DLG2: variants seen among roughly 807,000 people sequenced by gnomAD.
DLG2 encodes the protein discs large MAGUK scaffold protein 2.
In DLG2, 45 loss-of-function variants were observed where a neutral mutation model predicts 132.5. The ratio of observed to expected loss-of-function variants is 0.34; its 90% CI spans 0.27 to 0.44. The LOEUF is 0.44. DLG2 is among the 20% of genes least tolerant of loss of function. DLG2 has a pLI of 1.00. For missense variants in DLG2, 1,045 were observed against 1,196.9 expected (o/e 0.87, Z 1.87); for synonymous variants, 424 against 419.6 (o/e 1.01, Z -0.13).
intron 10 of DLG2, among the ~76,000 whole-genome samples, chr11:84,081,956 C>T (rs1345856265): frequency 6.6e-6 from 1 of 152,132 alleles, no homozygotes; most frequent in East Asian, 1.9e-4. Context: ...AAAAGCTTTC[C>T]TATTTCTCCA....
intron 6 of DLG2, among the ~76,000 whole-genome samples, chr11:84,955,976 G>A (rs2051605946): frequency 6.6e-6 from 1 of 152,156 alleles, no homozygotes; most frequent in Non-Finnish European, 1.5e-5. Context: ...CACAATATTA[G>A]AAGGCTTAGC....
At chr11:85,467,063 T>C (rs1388206802) in intron 3 of DLG2, among the ~76,000 whole-genome samples, 1 of 152,212 alleles carries the variant, frequency 6.6e-6, no homozygotes. Context: ...TTTTATTCTC[T>C]TTGAAGCAAC....
chr11:85,415,935 A>G (rs531310503), intron 3 of DLG2, among the ~76,000 whole-genome samples: 46 of 152,270 alleles, frequency 3.0e-4, no homozygotes, highest in African/African-American at 1.1e-3. Context: ...TTAGTCATGA[A>G]GTCTTGGCCC....
At chr11:83,943,511 C>G (rs1037630150) in intron 14 of DLG2, among the ~76,000 whole-genome samples, 5 of 152,178 alleles carry the variant, frequency 3.3e-5, no homozygotes, top group African/African-American at 1.2e-4. Context: ...TTATAAATAA[C>G]TGGTTATGAC....
intron 4 of DLG2, among the ~76,000 whole-genome samples, chr11:85,181,988 T>C (rs1207011939): frequency 6.6e-6 from 1 of 151,934 alleles, no homozygotes; most frequent in Non-Finnish European, 1.5e-5. Flanking sequence ...ATCTTTGTGA[T>C]GTGGAAATTT....
At chr11:84,485,267 C>CTA (rs949279369) in intron 7 of DLG2, among the ~76,000 whole-genome samples, 3 of 152,092 alleles carry the variant, frequency 2.0e-5, no homozygotes, top group African/African-American at 7.2e-5. Context: ...TATAATATTT[C>CTA]TATTTTTGAT....
At chr11:85,400,472 C>A (rs2087942383) in intron 3 of DLG2, among the ~76,000 whole-genome samples, 1 of 149,146 alleles carries the variant, frequency 6.7e-6, no homozygotes, top group African/African-American at 2.5e-5. Flanking sequence ...GCTATAAAGA[C>A]ACATGCACAC....
At chr11:85,526,979 C>A (rs937619848) in intron 3 of DLG2, among the ~76,000 whole-genome samples, 2 of 152,066 alleles carry the variant, frequency 1.3e-5, no homozygotes, top group Non-Finnish European at 2.9e-5. Context: ...CAGGAGACAA[C>A]CAAAATGTGT....
intron 11 of DLG2, among the ~76,000 whole-genome samples, chr11:83,982,963 A>G (rs2092928950): frequency 6.6e-6 from 1 of 152,178 alleles, no homozygotes; most frequent in Non-Finnish European, 1.5e-5. Context: ...ACAACAGGCT[A>G]TACTACATAG....
At chr11:84,755,517 G>A (rs1427143095) in intron 6 of DLG2, among the ~76,000 whole-genome samples, 4 of 152,152 alleles carry the variant, frequency 2.6e-5, no homozygotes, top group East Asian at 1.9e-4. Context: ...TCCGCTTCCC[G>A]GGTTCAAGAC....
chr11:83,653,687 G>C (rs987172194), intron 18 of DLG2, among the ~76,000 whole-genome samples: 1 of 152,076 alleles, frequency 6.6e-6, no homozygotes, highest in Admixed American at 6.6e-5. Flanking sequence ...CATGTCCAAG[G>C]AGCACAAAAA....
intron 6 of DLG2, among the ~76,000 whole-genome samples, chr11:85,033,261 T>G (rs192198754): frequency 3.3e-5 from 5 of 152,156 alleles, no homozygotes; most frequent in Admixed American, 1.3e-4. Context: ...TTAAAAGATG[T>G]TATTTGAAGA....
chr11:85,081,045 T>A (rs144819628), intron 6 of DLG2, among the ~76,000 whole-genome samples: 2 of 152,310 alleles, frequency 1.3e-5, no homozygotes, highest in African/African-American at 2.4e-5. Flanking sequence ...TTAGTTGATT[T>A]TTTTATAATT....
rs554036886 is a variant in DLG2 at position 85,090,008 on chromosome 11, A to G, written c.357+21653T>C. On this transcript the variant is annotated intron_variant, in intron 6 of 27. Coordinates refer to ENST00000376104, the MANE Select transcript of DLG2 (RefSeq NM_001142699.3). Reference sequence around the variant, plus strand: ...ATTTTATTTCTGACAAGTTTCATAAACACTTAGTAACCCCTATTTTGGGCA... The same window carrying G: ...ATTTTATTTCTGACAAGTTTCATAAGCACTTAGTAACCCCTATTTTGGGCA... Among the ~76,000 whole-genome samples, 4 of 152,316 alleles carry G rather than the reference A, an allele frequency of 2.6e-5. No individual in the cohort carries two copies. In the East Asian group the frequency reaches 7.7e-4, roughly 29 times the overall value.
chr11:84,864,994 C>T (rs2084325819), intron 6 of DLG2, among the ~76,000 whole-genome samples: 1 of 152,050 alleles, frequency 6.6e-6, no homozygotes, highest in African/African-American at 2.4e-5. Flanking sequence ...CAGAGTAATA[C>T]ACTACATTAG....
intron 6 of DLG2, among the ~76,000 whole-genome samples, chr11:84,990,079 C>A (rs1191942068): frequency 1.3e-5 from 2 of 152,106 alleles, no homozygotes; most frequent in Non-Finnish European, 2.9e-5. Flanking sequence ...AGCTACAGGA[C>A]AAGAGTACGA....
At chr11:84,112,550 C>G (rs1056793450) in intron 9 of DLG2, among the ~76,000 whole-genome samples, 2 of 150,920 alleles carry the variant, frequency 1.3e-5, no homozygotes, top group Non-Finnish European at 1.5e-5. Flanking sequence ...AGGCAGATAA[C>G]TAGAGATTTT....
At chr11:83,861,453 T>C (rs1382102296) in intron 16 of DLG2, among the ~76,000 whole-genome samples, 16 of 152,148 alleles carry the variant, frequency 1.1e-4, no homozygotes. Flanking sequence ...CCACTGTTTA[T>C]AATAGCCAAG....
chr11:85,132,691 T>G, intron 5 of DLG2: 1 of 456,476 alleles, frequency 2.2e-6, no homozygotes, highest in Non-Finnish European at 4.4e-6. Context: ...CAGCACCTAC[T>G]AGAACTGTTT....
Sources: allele counts gnomAD v4.1 joint callset (sites outside exome capture counted in the v4.1 genomes callset), GRCh38; gene constraint gnomAD v4.1.1; transcripts MANE v1.5; gene names NCBI Gene and HGNC (gene_info 2026-07-23, HGNC 2026-07-21).